The following PXN variants were observed in gnomAD, a reference collection of about 807,000 sequenced individuals.
The protein encoded by PXN is paxillin.
Under a neutral mutation model 103.6 loss-of-function variants are expected in PXN, and 61 were observed. That is an observed-to-expected ratio of 0.59 (90% CI 0.48 to 0.73). The LOEUF (loss-of-function observed/expected upper bound fraction) is 0.73. PXN is among the 30% of genes least tolerant of loss of function. PXN has a pLI of 0.00. For synonymous variants in PXN, 562 were observed against 607.8 expected (o/e 0.92, Z 1.11); for missense variants, 1,274 against 1,460.3 (o/e 0.87, Z 2.08).
At position 120,229,851 on chromosome 12, in the gene PXN, C is replaced by T. The variant is rs1244271509; in HGVS notation, c.14-5474G>A. ...GGGCATGGAGCCAGCTTTTCCATCCCTTCTTGGAGTTTACAGGCTGCCCTG... is the reference window on the plus strand; with the variant it reads ...GGGCATGGAGCCAGCTTTTCCATCCTTTCTTGGAGTTTACAGGCTGCCCTG... On this transcript the variant is annotated intron_variant, in intron 1 of 14. Transcript: ENST00000637617. This position sits in a 1 kb window ranked among gnomAD's most constrained non-coding sequence, Gnocchi z 4.0. Among the ~76,000 whole-genome samples the T allele has an allele frequency of 1.3e-5, 2 of 152,124 alleles. No homozygotes were observed. Among genetic ancestry groups the T allele is most frequent in the Middle Eastern group, 6.3e-3 (2 of 316 alleles).
At chr12:120,245,434 G>GA (rs952686657) in intron 1 of PXN, among the ~76,000 whole-genome samples, 63 of 137,380 alleles carry the variant, frequency 4.6e-4, no homozygotes, top group Admixed American at 7.3e-4. Flanking sequence ...AGGAGGGGAA[G>GA]AAAAAAAAAA....
chr12:120,237,346 A>C (rs1480625832), intron 1 of PXN, among the ~76,000 whole-genome samples: 1 of 151,998 alleles, frequency 6.6e-6, no homozygotes, highest in African/African-American at 2.4e-5. Flanking sequence ...TTTAGTAGAG[A>C]TAGGGTTTCA....
chr12:120,217,026 TG>T lies in PXN; in HGVS notation c.1806del (p.Thr603ProfsTer2). 1 of 1,582,286 alleles carries T rather than the reference TG, an allele frequency of 6.3e-7. No individual in the cohort carries two copies. Among genetic ancestry groups the T allele is most frequent in the Non-Finnish European group, 8.5e-7 (1 of 1,172,664 alleles). On this transcript the variant is annotated frameshift_variant, in exon 8 of 15. Coordinates refer to ENST00000637617, the MANE Select transcript of PXN (RefSeq NM_001385981.1). LOFTEE classifies it high-confidence loss of function. This position sits in a 1 kb window ranked among gnomAD's most constrained non-coding sequence, Gnocchi z 4.1. ...TCCTGGGATGGGGTCCTGCTCAAGG[TG>T]GCAGGGTCCAGCCGGCGGCGAGGGG... ...EPSPRRRLDP[A>X]TLSRTPSQEQ...
Position 120,212,067 on chromosome 12 carries a change from C to G in PXN, c.*247G>C, listed in dbSNP as rs999341521. On this transcript the variant is annotated 3_prime_UTR_variant, in exon 15 of 15. Coordinates refer to ENST00000637617, the MANE Select transcript of PXN (RefSeq NM_001385981.1). This position sits in a 1 kb window ranked among gnomAD's most constrained non-coding sequence, Gnocchi z 7.2. ...GGGGTGGAGCCCCCAGCCTCTACCC[C>G]TGGGGAGGATGGAGAGTGGGCAGCC... 21 of 728,878 alleles carry G rather than the reference C, an allele frequency of 2.9e-5. No homozygotes were observed. The highest frequency in any genetic ancestry group is 4.8e-5 in the Non-Finnish European group (19 of 398,604). The allele number at this position is 728,878 out of a possible 1,614,324, so 45.2% of individuals were successfully genotyped here. A position where few individuals can be genotyped will look rare whatever the true frequency, so the allele number is the denominator to read the frequency against.
chr12:120,265,560 C>CT lies in PXN; in HGVS notation c.13+56dup, dbSNP rs1440639949. 4.1e-6 allele frequency: 6 copies of CT among 1,475,068 alleles called. No homozygotes were observed. The highest frequency in any genetic ancestry group is 4.5e-6 in the Non-Finnish European group (5 of 1,118,390). The allele number at this position is 1,475,068 out of a possible 1,614,324, so 91.4% of individuals were successfully genotyped here. ...GCCCCTGCCGCTCGCTGGCGCCCTC[C>CT]TGGCCCCAAGCTGCGCGCCTCTCGC... On this transcript the variant is annotated intron_variant, in intron 1 of 14. Transcript: ENST00000637617. The surrounding 1 kb of genome is among the most constrained non-coding windows in gnomAD (Gnocchi z 5.7).
At chr12:120,262,468 C>T (rs900331685) in intron 1 of PXN, among the ~76,000 whole-genome samples, 12 of 152,288 alleles carry the variant, frequency 7.9e-5, no homozygotes, top group South Asian at 2.1e-4. Context: ...ATTAAGATAA[C>T]CGGATCTGGA....
intron 1 of PXN, among the ~76,000 whole-genome samples, chr12:120,251,070 T>C (rs1194256587): frequency 1.3e-5 from 2 of 151,732 alleles, no homozygotes; most frequent in African/African-American, 4.9e-5. Context: ...CTGGGTGTGA[T>C]GGCAGGTGCC....
In PXN at chr12:120,219,785, G is replaced by T; in HGVS notation, c.1138C>A (p.Gln380Lys). ...GSLWAVGTES[Q>K]GRDWRHLPTI... Reference sequence around the variant, plus strand: ...GGCAGGTGCCTCCAATCTCGACCCTGACTCTCTGTGCCCACTGCCCACAGA... The same window carrying T: ...GGCAGGTGCCTCCAATCTCGACCCTTACTCTCTGTGCCCACTGCCCACAGA... Residue 380 changes from glutamine to lysine, a missense_variant, in exon 7 of 15, where the codon CAG becomes AAG. Gln to Lys is a moderately conservative substitution (Grantham distance 53). Coordinates refer to ENST00000637617, the MANE Select transcript of PXN (RefSeq NM_001385981.1). This position sits in a 1 kb window ranked among gnomAD's most constrained non-coding sequence, Gnocchi z 6.5. 1 of 1,598,196 alleles carries T rather than the reference G, an allele frequency of 6.3e-7. No individual in the cohort carries two copies. The highest frequency in any genetic ancestry group is 1.1e-5 in the South Asian group (1 of 91,000).
rs941597729 is a variant in PXN, at chr12:120,215,096, T to C, written c.2574+7A>G. Reference sequence around the variant, plus strand: ...TGGCCACACCCCTGCCCACTCCCCCTCATCACCTGCCCGGCGATGGGCTTC... The same window carrying C: ...TGGCCACACCCCTGCCCACTCCCCCCCATCACCTGCCCGGCGATGGGCTTC... On this transcript the variant is annotated splice_region_variant and intron_variant, in intron 11 of 14. Transcript: ENST00000637617. The surrounding 1 kb of genome is among the most constrained non-coding windows in gnomAD (Gnocchi z 4.9). The C allele has an allele frequency of 3.2e-6, 5 of 1,583,126 alleles. No individual in the cohort carries two copies. The highest frequency in any genetic ancestry group is 4.3e-6 in the Non-Finnish European group (5 of 1,162,490).
intron 1 of PXN, among the ~76,000 whole-genome samples, chr12:120,250,605 T>A (rs1467508357): frequency 6.6e-6 from 1 of 151,764 alleles, no homozygotes; most frequent in Non-Finnish European, 1.5e-5. Flanking sequence ...CCAAGCCACC[T>A]CCTCCCCCAC....
chr12:120,257,281 TC>T (rs1893162172), intron 1 of PXN, among the ~76,000 whole-genome samples: 1 of 152,152 alleles, frequency 6.6e-6, no homozygotes, highest in Non-Finnish European at 1.5e-5. Flanking sequence ...GCATTCCATT[TC>T]ATTAAAACAA....
At chr12:120,232,558 C>T (rs957708695) in intron 1 of PXN, among the ~76,000 whole-genome samples, 1 of 152,210 alleles carries the variant, frequency 6.6e-6, no homozygotes, top group Non-Finnish European at 1.5e-5. Context: ...AAAAGACAGC[C>T]TCAAACCCAG....
Position 120,229,256 on chromosome 12 carries a change from C to T in PXN, c.14-4879G>A, listed in dbSNP as rs1482671538. 6.6e-6 allele frequency among the ~76,000 whole-genome samples: 1 copy of T among 152,122 alleles called. No individual in the cohort carries two copies. ...TTAAAGAGAATCAATTAAAACCTTCCGCCCCCACCCCCGACTGCAGCACAG... is the reference window on the plus strand; with the variant it reads ...TTAAAGAGAATCAATTAAAACCTTCTGCCCCCACCCCCGACTGCAGCACAG... On this transcript the variant is annotated intron_variant, in intron 1 of 14. Coordinates refer to ENST00000637617, the MANE Select transcript of PXN (RefSeq NM_001385981.1). This position sits in a 1 kb window ranked among gnomAD's most constrained non-coding sequence, Gnocchi z 4.0.
chr12:120,224,274 T>C lies in PXN; in HGVS notation c.117A>G (p.Thr39=), dbSNP rs141848390. The part of the protein sequence containing the change: ...TPYSYPTGNH[T]YQEIAVPPPV... ...GGGGTGGCACGGCAATCTCCTGGTA[T>C]GTGTGGTTTCCAGTTGGGTATGAGT... is the stretch of plus-strand genomic sequence containing the variant. Residue 39 remains threonine (T), a synonymous_variant, in exon 2 of 15, where the codon ACA becomes ACG. Transcript: ENST00000637617. The surrounding 1 kb of genome is among the most constrained non-coding windows in gnomAD (Gnocchi z 5.0). The C allele has an allele frequency of 9.6e-4, 1,555 of 1,613,730 alleles. 11 individuals are homozygous for C. The African/African-American group carries it at 0.017, about 18-fold the overall frequency.
chr12:120,219,080 A>G lies in PXN; in HGVS notation c.1716+127T>C, dbSNP rs1007661589. On this transcript the variant is annotated intron_variant, in intron 7 of 14. Transcript: ENST00000637617. This position sits in a 1 kb window ranked among gnomAD's most constrained non-coding sequence, Gnocchi z 6.5. ...AGTGCTGACTGTCAGGTCCGGCCAC[A>G]GTGTCTCAGCATTTTCTGCCCAAGC... The G allele has an allele frequency of 1.8e-5, 19 of 1,057,334 alleles. No homozygotes were observed. The highest frequency in any genetic ancestry group is 8.8e-5 in the Admixed American group (3 of 34,114). 65.5% of individuals were successfully genotyped at this position (1,057,334 alleles called of 1,614,324 possible). A position where few individuals can be genotyped will look rare whatever the true frequency, so the allele number is the denominator to read the frequency against.
At position 120,228,400 on chromosome 12, in the gene PXN, G is replaced by A. The variant is rs971541214; in HGVS notation, c.14-4023C>T. On this transcript the variant is annotated intron_variant, in intron 1 of 14. Transcript: ENST00000637617. This position sits in a 1 kb window ranked among gnomAD's most constrained non-coding sequence, Gnocchi z 4.7. The stretch of plus-strand genomic sequence containing the variant: ...ATGAGGAGGTAGGCCAGGCTGTCTC[G>A]AGGCTGAGGGCAGGCTAGGTGCAAA... Among the ~76,000 whole-genome samples, 9 of 152,216 alleles carry A rather than the reference G, an allele frequency of 5.9e-5. No individual in the cohort carries two copies. Among genetic ancestry groups the A allele is most frequent in the Admixed American group, 5.9e-4 (9 of 15,288 alleles).
Position 120,224,669 on chromosome 12 carries a change from C to T in PXN, c.14-292G>A, listed in dbSNP as rs1886310764. 1.1e-5 allele frequency: 7 copies of T among 642,312 alleles called. No homozygotes were observed. The highest frequency in any genetic ancestry group is 1.7e-5 in the Non-Finnish European group (6 of 346,922). The allele number at this position is 642,312 out of a possible 1,614,324, so 39.8% of individuals were successfully genotyped here. Reference sequence around the variant, plus strand: ...TCTGGGAGTCAGGCACCTGGCACTGCGTTCCCTCCTGACAGGGCCGCGCAG... The same window carrying T: ...TCTGGGAGTCAGGCACCTGGCACTGTGTTCCCTCCTGACAGGGCCGCGCAG... On this transcript the variant is annotated intron_variant, in intron 1 of 14. Transcript: ENST00000637617. The surrounding 1 kb of genome is among the most constrained non-coding windows in gnomAD (Gnocchi z 5.0).
In PXN at chr12:120,219,410, C is replaced by G; in HGVS notation, c.1513G>C (p.Ala505Pro). ...EPGRLGSSSP[A>P]SVTTEQLGAK... ...CCTAGCTGCTCCGTGGTAACTGAGG[C>G]AGGGGAGCTGCTTCCCAGCCTCCCT... Residue 505 changes from alanine to proline, a missense_variant, in exon 7 of 15, where the codon GCC becomes CCC. This residue lies in a region of PXN where 1,178 missense variants were observed against 1,309.0 expected (regional missense o/e 0.90). Coordinates refer to ENST00000637617, the MANE Select transcript of PXN (RefSeq NM_001385981.1). This position sits in a 1 kb window ranked among gnomAD's most constrained non-coding sequence, Gnocchi z 6.5. The G allele has an allele frequency of 6.3e-7, 1 of 1,598,192 alleles. No homozygotes were observed. The highest frequency in any genetic ancestry group is 8.5e-7 in the Non-Finnish European group (1 of 1,179,606).
At position 120,222,499 on chromosome 12, in the gene PXN, C is replaced by T. The variant is rs1885474877; in HGVS notation, c.695+50G>A. On this transcript the variant is annotated intron_variant, in intron 5 of 14. Transcript: ENST00000637617. This position sits in a 1 kb window ranked among gnomAD's most constrained non-coding sequence, Gnocchi z 4.7. ...AAGGGGACAGACACTGGACCCGGGG[C>T]AGGCTGGGCCAGCCCTTCCCCACCT... 6.6e-7 allele frequency: 1 copy of T among 1,524,394 alleles called. No homozygotes were observed. The highest frequency in any genetic ancestry group is 2.1e-5 in the Admixed American group (1 of 47,344). 94.4% of individuals were successfully genotyped at this position (1,524,394 alleles called of 1,614,324 possible).
Sources: gnomAD v4.1 joint callset for allele counts (sites outside exome capture counted in the v4.1 genomes callset) on GRCh38, gnomAD v4.1.1 for gene constraint, gnomAD v4.1.1 regional missense constraint, Gnocchi (gnomAD v3.1) non-coding constraint, MANE v1.5 for transcripts, NCBI Gene and HGNC (gene_info 2026-07-23, HGNC 2026-07-21) for gene names.